Variants in CHIA observed in about 807,000 individuals in gnomAD.
The protein encoded by CHIA is acidic mammalian chitinase.
CHIA carries 47 observed loss-of-function variants against 53.5 expected under a neutral mutation model. That is an observed-to-expected ratio of 0.88 (90% CI 0.70 to 1.12). The LOEUF is 1.12. Among genes scored for constraint, CHIA ranks in the 50% most tolerant of loss-of-function variants. The pLI, the probability that CHIA is intolerant of heterozygous loss-of-function variation, is 0.00. For synonymous variants in CHIA, 268 were observed against 222.2 expected, an observed-to-expected ratio of 1.21 and a Z score of -1.83; for missense variants, 652 against 592.2, an observed-to-expected ratio of 1.10 and a Z score of -1.05.
Position 111,318,636 on chromosome 1 carries a change from T to G in CHIA, c.873T>G (p.Ala291=), listed in dbSNP as rs61748619. 1.6e-4 allele frequency: 260 copies of G among 1,614,204 alleles called. 3 individuals carry two copies. The African/African-American group carries it at 3.0e-3, about 19-fold the overall frequency. ...CCCCCACCTCTGGTGCTGGTCCTGC[T>G]GGGCCCTATGCCAAGGAGTCTGGGA... ...IGAPTSGAGP[A]GPYAKESGIW... Residue 291 remains alanine, a synonymous_variant, in exon 9 of 12, where the codon GCT becomes GCG. Coordinates refer to ENST00000369740, the MANE Select transcript of CHIA (RefSeq NM_201653.4).
chr1:111,301,908 G>GT (rs1248841545), intron 1 of CHIA, among the ~76,000 whole-genome samples: 1 of 151,936 alleles, frequency 6.6e-6, no homozygotes, highest in African/African-American at 2.4e-5. Flanking sequence ...CTGTTGCGGG[G>GT]TGGGGGATTG....
At chr1:111,314,212 AG>A (rs11312903) in intron 4 of CHIA, among the ~76,000 whole-genome samples, 3,435 of 152,314 alleles carry the variant, frequency 0.023, 156 homozygotes, top group African/African-American at 0.079. Flanking sequence ...ATTAAGCTCA[AG>A]CAACATTTAC....
intron 1 of CHIA, among the ~76,000 whole-genome samples, chr1:111,294,106 C>T (rs1661197769): frequency 6.6e-6 from 1 of 152,066 alleles, no homozygotes; most frequent in Non-Finnish European, 1.5e-5. Flanking sequence ...ACAAAGAAAA[C>T]ATCACTGGGA....
rs1244881508 is a variant in CHIA, at chr1:111,312,171, T to C, written c.56-19T>C. The C allele has an allele frequency of 6.2e-7, 1 of 1,607,560 alleles. No homozygotes were observed. On this transcript the variant is annotated intron_variant, in intron 3 of 11. Coordinates refer to ENST00000369740, the MANE Select transcript of CHIA (RefSeq NM_201653.4). ...GGATCCTAAACCAGGCCATTGTCCC[T>C]CCTGCTGACTACACACAGGCTCTGC...
intron 1 of CHIA, among the ~76,000 whole-genome samples, chr1:111,304,675 A>C (rs1308861151): frequency 6.6e-6 from 1 of 152,118 alleles, no homozygotes; most frequent in Non-Finnish European, 1.5e-5. Flanking sequence ...CTTTTTTTAG[A>C]GCATATTCAA....
At chr1:111,291,838 G>C (rs904559669) in intron 1 of CHIA, among the ~76,000 whole-genome samples, 7 of 150,394 alleles carry the variant, frequency 4.7e-5, no homozygotes, top group Non-Finnish European at 7.4e-5. Context: ...GTCGGGGGGG[G>C]GTGGGGGTAG....
chr1:111,295,432 T>A (rs1252837360), intron 1 of CHIA, among the ~76,000 whole-genome samples: 1 of 152,322 alleles, frequency 6.6e-6, no homozygotes, highest in East Asian at 1.9e-4. Flanking sequence ...CTTTGTTAGG[T>A]TTCTTGTTTC....
At chr1:111,295,788 A>G (rs1445931680) in intron 1 of CHIA, among the ~76,000 whole-genome samples, 2 of 152,238 alleles carry the variant, frequency 1.3e-5, no homozygotes, top group Non-Finnish European at 2.9e-5. Context: ...AAGGCACTGG[A>G]GGATTTCCCT....
At chr1:111,291,315 G>A (rs12752158) in intron 1 of CHIA, among the ~76,000 whole-genome samples, 41,835 of 152,072 alleles carry the variant, frequency 0.28, 6,099 homozygotes, top group East Asian at 0.36. Flanking sequence ...TATACATCAC[G>A]GAATACTATG....
chr1:111,307,080 T>G (rs1648240303), intron 1 of CHIA, among the ~76,000 whole-genome samples: 1 of 152,228 alleles, frequency 6.6e-6, no homozygotes, highest in African/African-American at 2.4e-5. Flanking sequence ...GTTATTTCAC[T>G]GGGCAATTCC....
chr1:111,314,682 A>G (rs1649000922), intron 5 of CHIA, 86 bp downstream of exon 5: 2 of 907,168 alleles, frequency 2.2e-6, no homozygotes, highest in South Asian at 1.4e-5. Flanking sequence ...AGACTTCACA[A>G]TCTAAGACAG....
In CHIA at chr1:111,318,694, T is replaced by A. The variant is rs763744807; in HGVS notation, c.915+16T>A. On this transcript the variant is annotated intron_variant, in intron 9 of 11. Coordinates refer to ENST00000369740, the MANE Select transcript of CHIA (RefSeq NM_201653.4). ...TTACTACGAGGTATGTAGATTGGACTGAAAAGTGCTCTGTGAATTCCGTGC... is the reference window on the plus strand; with the variant it reads ...TTACTACGAGGTATGTAGATTGGACAGAAAAGTGCTCTGTGAATTCCGTGC... 1.2e-6 allele frequency: 2 copies of A among 1,604,972 alleles called. No homozygotes were observed. Among genetic ancestry groups the A allele is most frequent in the Non-Finnish European group, 1.7e-6 (2 of 1,174,764 alleles).
In CHIA at chr1:111,311,164, A is replaced by T. The variant is rs573763276; in HGVS notation, c.26-525A>T. ...GCTCAATTTATAAAACAATCAGAGT[A>T]GAAGAATTGCTTTGTAGAAGTCAGG... On this transcript the variant is annotated intron_variant, in intron 2 of 11. Transcript: ENST00000369740. Among the ~76,000 whole-genome samples, 3 of 152,348 alleles carry T rather than the reference A, an allele frequency of 2.0e-5. No homozygotes were observed. In the East Asian group the frequency reaches 5.8e-4, roughly 29 times the overall value.
chr1:111,318,571 A>T lies in CHIA; in HGVS notation c.808A>T (p.Asn270Tyr). ...LIVGFPTYGH[N>Y]FILSNPSNTG... ...CGTTGGATTCCCTACCTATGGACAC[A>T]ACTTCATCCTGAGCAACCCCTCCAA... The change falls in exon 9 of 12, where the codon AAC (asparagine) becomes TAC (tyrosine). Residue 270 changes from asparagine to tyrosine, a missense_variant. Physicochemically the swap from Asn to Tyr is moderately radical, Grantham distance 143. Transcript: ENST00000369740. The T allele has an allele frequency of 6.2e-7, 1 of 1,614,164 alleles. No homozygotes were observed. Among genetic ancestry groups the T allele is most frequent in the Non-Finnish European group, 8.5e-7 (1 of 1,180,028 alleles).
chr1:111,301,583 T>C (rs181419370), intron 1 of CHIA, among the ~76,000 whole-genome samples: 6 of 151,150 alleles, frequency 4.0e-5, no homozygotes, highest in Admixed American at 4.0e-4. Context: ...GCACCTATAG[T>C]CCCAGCTACT....
chr1:111,320,464 TA>T lies in CHIA; in HGVS notation c.*1del. Reference sequence around the variant, plus strand: ...CAGCTGTGATTGCTGCAACTGGGCATAAACCTGACCTGGTCTATATTCCCTA... The same window carrying T: ...CAGCTGTGATTGCTGCAACTGGGCATAACCTGACCTGGTCTATATTCCCTA... ...DTSCDCCNWA[*>X] On this transcript the variant is annotated frameshift_variant and stop_lost, in exon 12 of 12. Coordinates refer to ENST00000369740, the MANE Select transcript of CHIA (RefSeq NM_201653.4). LOFTEE classifies it high-confidence loss of function. 1 of 1,613,760 alleles carries T rather than the reference TA, an allele frequency of 6.2e-7. No homozygotes were observed. Among genetic ancestry groups the T allele is most frequent in the African/African-American group, 1.3e-5 (1 of 75,046 alleles).
At chr1:111,291,712 A>C (rs1246223967) in intron 1 of CHIA, among the ~76,000 whole-genome samples, 1 of 152,002 alleles carries the variant, frequency 6.6e-6, no homozygotes, top group Admixed American at 6.6e-5. Context: ...ATATAGCAAA[A>C]TGCAACTGGA....
At position 111,312,798 on chromosome 1, in the gene CHIA, C is replaced by A. The variant is rs191151792; in HGVS notation, c.257+407C>A. Among the ~76,000 whole-genome samples the A allele has an allele frequency of 1.6e-4, 24 of 152,114 alleles. No individual in the cohort carries two copies. In the East Asian group the frequency reaches 4.6e-3, roughly 29 times the overall value. ...TCCTTTGACCAACATGCCCCCCAAC[C>A]CCCATCCCCACACCACCCCCAGCCT... On this transcript the variant is annotated intron_variant, in intron 4 of 11. Transcript: ENST00000369740.
At chr1:111,318,425 G>A in intron 8 of CHIA, 68 bp from the exon 9 acceptor site, 2 of 1,301,304 alleles carry the variant, frequency 1.5e-6, no homozygotes, top group Non-Finnish European at 2.2e-6. Context: ...TCGGAATAGG[G>A]GACTAATATA....
Sources: allele counts gnomAD v4.1 joint callset (sites outside exome capture counted in the v4.1 genomes callset), GRCh38; gene constraint gnomAD v4.1.1; transcripts MANE v1.5; gene names NCBI Gene and HGNC (gene_info 2026-07-23, HGNC 2026-07-21).